Variants in CRMP1 observed in about 807,000 individuals in gnomAD.
The protein encoded by CRMP1 is dihydropyrimidinase-related protein 1.
A neutral mutation model predicts 68.3 loss-of-function variants in CRMP1; 19 were observed. The observed-to-expected ratio is 0.28, with a 90% CI of 0.19 to 0.41. The LOEUF is 0.41. Ranked by LOEUF, CRMP1 falls within the 10% of genes least tolerant of loss-of-function variation. The pLI, the probability that CRMP1 is intolerant of heterozygous loss-of-function variation, is 1.00. For missense variants in CRMP1, 791 were observed against 967.4 expected (o/e 0.82, Z 2.42); for synonymous variants, 439 against 399.6 (o/e 1.10, Z -1.18).
At chr4:5,844,227 G>A (rs1041421283) in intron 6 of CRMP1, among the ~76,000 whole-genome samples, 4 of 152,262 alleles carry the variant, frequency 2.6e-5, no homozygotes, top group South Asian at 4.1e-4. Context: ...TTCAGCTACC[G>A]AAGACACTGT....
Position 5,882,980 on chromosome 4 carries a change from G to A in CRMP1, c.381+9609C>T, listed in dbSNP as rs144761601. ...GGGTGCATTCTCCCTGATTTCCAAA[G>A]CTTTATAGAATCCCCCCATAGCCCC... On this transcript the variant is annotated intron_variant, in intron 1 of 13. Coordinates refer to ENST00000324989, the MANE Select transcript of CRMP1 (RefSeq NM_001014809.3). Among the ~76,000 whole-genome samples, 371 of 152,244 alleles carry A rather than the reference G, an allele frequency of 2.4e-3. 2 individuals carry two copies. The highest frequency in any genetic ancestry group is 8.3e-3 in the African/African-American group (344 of 41,544).
At chr4:5,863,263 T>A (rs898163844) in intron 2 of CRMP1, among the ~76,000 whole-genome samples, 2 of 152,068 alleles carry the variant, frequency 1.3e-5, no homozygotes, top group African/African-American at 2.4e-5. Context: ...TAACAAACTC[T>A]CTCTGGTCTC....
In CRMP1 at chr4:5,860,802, G is replaced by T. The variant is rs1713495123; in HGVS notation, c.655+224C>A. ...ATTTTAAAAATAATTTTTTAAAATT[G>T]GTACCTATAAAACCGTATTGTTTAT... On this transcript the variant is annotated intron_variant, in intron 3 of 13. Coordinates refer to ENST00000324989, the MANE Select transcript of CRMP1 (RefSeq NM_001014809.3). This position sits in a 1 kb window ranked among gnomAD's most constrained non-coding sequence, Gnocchi z 4.2. Among the ~76,000 whole-genome samples, 1 of 152,000 alleles carries T rather than the reference G, an allele frequency of 6.6e-6. No homozygotes were observed. The highest frequency in any genetic ancestry group is 6.6e-5 in the Admixed American group (1 of 15,248).
intron 11 of CRMP1, among the ~76,000 whole-genome samples, chr4:5,833,469 G>T (rs1315360242): frequency 6.6e-6 from 1 of 151,798 alleles, no homozygotes; most frequent in Non-Finnish European, 1.5e-5. Context: ...CCCGGCCCCA[G>T]AACTTTTAAG....
In CRMP1 at chr4:5,841,178, G is replaced by C. The variant is rs1711693092; in HGVS notation, c.1153+130C>G. On this transcript the variant is annotated intron_variant, in intron 8 of 13. Transcript: ENST00000324989. This position sits in a 1 kb window ranked among gnomAD's most constrained non-coding sequence, Gnocchi z 6.9. ...AATTCCAGCCACCATCCTTGTGTCA[G>C]GAGCATCCCCGCTCCACCCCTCCCT... 7.1e-7 allele frequency: 1 copy of C among 1,401,146 alleles called. No individual in the cohort carries two copies. 86.8% of individuals were successfully genotyped at this position (1,401,146 alleles called of 1,614,324 possible).
chr4:5,822,547 A>G (rs534627797), intron 13 of CRMP1, among the ~76,000 whole-genome samples: 91 of 152,156 alleles, frequency 6.0e-4, no homozygotes, highest in African/African-American at 2.1e-3. Context: ...AAAACCAACC[A>G]TCCATTCTAC....
Position 5,820,853 on chromosome 4 carries a change from G to GTTGT in CRMP1, c.*903_*906dup, listed in dbSNP as rs1718413138. 1 of 152,202 alleles carries GTTGT rather than the reference G, an allele frequency of 6.6e-6. No individual in the cohort carries two copies. Among genetic ancestry groups the GTTGT allele is most frequent in the Admixed American group, 6.5e-5 (1 of 15,290 alleles). 9.4% of individuals were successfully genotyped at this position (152,202 alleles called of 1,614,324 possible). ...CAGAAATAAGAGCCACAACAAGTTG[G>GTTGT]TTGTTAAGTAAAAATGGGAGTGATT... On this transcript the variant is annotated 3_prime_UTR_variant, in exon 14 of 14. Coordinates refer to ENST00000324989, the MANE Select transcript of CRMP1 (RefSeq NM_001014809.3).
rs922591 is a variant in CRMP1, at chr4:5,828,114, C to T, written c.1803+375G>A. ...GAGGGTTTCTGAGCCGTGACTCTGGCTAAGCCCTTCACTGCTCTGGGCTGC... is the reference window on the plus strand; with the variant it reads ...GAGGGTTTCTGAGCCGTGACTCTGGTTAAGCCCTTCACTGCTCTGGGCTGC... On this transcript the variant is annotated intron_variant, in intron 12 of 13. Transcript: ENST00000324989. 3.5e-3 allele frequency: 3,428 copies of T among 985,412 alleles called. 96 individuals carry two copies. The African/African-American group carries it at 0.055, about 16-fold the overall frequency. 61.0% of individuals were successfully genotyped at this position (985,412 alleles called of 1,614,324 possible).
At chr4:5,868,491 C>T (rs1187059516) in intron 1 of CRMP1, among the ~76,000 whole-genome samples, 4 of 151,460 alleles carry the variant, frequency 2.6e-5, no homozygotes, top group African/African-American at 4.9e-5. Context: ...TTAGTAGAGA[C>T]GGGGTTTCAC....
At chr4:5,887,520 G>T (rs370934862) in intron 1 of CRMP1, 2 of 984,858 alleles carry the variant, frequency 2.0e-6, no homozygotes, top group Non-Finnish European at 2.4e-6. Flanking sequence ...GCGTAAAGAC[G>T]GGGATTCCTT....
Position 5,891,909 on chromosome 4 carries a change from C to G in CRMP1, c.381+680G>C, listed in dbSNP as rs1478005696. ...GTTCAAATCCCAGCTCTACCTCCAC[C>G]TTGCTCTGTGAAGCAGGCACATCGG... On this transcript the variant is annotated intron_variant, in intron 1 of 13. Transcript: ENST00000324989. This position sits in a 1 kb window ranked among gnomAD's most constrained non-coding sequence, Gnocchi z 5.2. 3.9e-5 allele frequency among the ~76,000 whole-genome samples: 6 copies of G among 152,218 alleles called. No individual in the cohort carries two copies. Among genetic ancestry groups the G allele is most frequent in the African/African-American group, 1.4e-4 (6 of 41,444 alleles).
At chr4:5,835,515 G>A (rs964645838) in intron 11 of CRMP1, among the ~76,000 whole-genome samples, 2 of 152,232 alleles carry the variant, frequency 1.3e-5, no homozygotes, top group East Asian at 1.9e-4. Flanking sequence ...CCACAAAACC[G>A]AGTGGGAGGT....
intron 1 of CRMP1, among the ~76,000 whole-genome samples, chr4:5,874,811 T>C (rs1228554436): frequency 2.0e-5 from 3 of 152,114 alleles, no homozygotes; most frequent in African/African-American, 7.2e-5. Flanking sequence ...CATGGACACA[T>C]AATAAATCTC....
chr4:5,824,572 T>G, intron 13 of CRMP1: 1 of 974,712 alleles, frequency 1.0e-6, no homozygotes, highest in Non-Finnish European at 1.2e-6. Flanking sequence ...ACGGGTCCAT[T>G]GACCAAATCC....
intron 6 of CRMP1, among the ~76,000 whole-genome samples, chr4:5,844,284 C>G (rs778055593): frequency 2.8e-5 from 4 of 144,390 alleles, no homozygotes; most frequent in Non-Finnish European, 3.0e-5. Flanking sequence ...TTTAGAATAC[C>G]GAGAAATCCC....
At chr4:5,882,035 A>G (rs754317401) in intron 1 of CRMP1, among the ~76,000 whole-genome samples, 1 of 152,140 alleles carries the variant, frequency 6.6e-6, no homozygotes, top group Non-Finnish European at 1.5e-5. Flanking sequence ...TCCAAACCCA[A>G]TCGCTGTGCT....
At position 5,832,768 on chromosome 4, in the gene CRMP1, C is replaced by T. The variant is rs114065802; in HGVS notation, c.1623+3147G>A. Among the ~76,000 whole-genome samples, 370 of 152,296 alleles carry T rather than the reference C, an allele frequency of 2.4e-3. 1 individual carries two copies. The highest frequency in any genetic ancestry group is 0.01 in the Middle Eastern group (3 of 294). ...GTTTACCCTGAAGACAGTTACCTCC[C>T]AGATGGGTAACCTTGGGTATATTAC... On this transcript the variant is annotated intron_variant, in intron 11 of 13. Transcript: ENST00000324989.
chr4:5,828,093 G>A lies in CRMP1; in HGVS notation c.1803+396C>T, dbSNP rs1178955236. ...TTGCTCCACAGGGCCAGACCCGAGG[G>A]TTTCTGAGCCGTGACTCTGGCTAAG... On this transcript the variant is annotated intron_variant, in intron 12 of 13. Transcript: ENST00000324989. The A allele has an allele frequency of 4.1e-6, 4 of 985,310 alleles. No homozygotes were observed. In the African/African-American group the frequency reaches 7.0e-5, roughly 17 times the overall value. The allele number at this position is 985,310 out of a possible 1,614,324, so 61.0% of individuals were successfully genotyped here. A position where few individuals can be genotyped will look rare whatever the true frequency, so the allele number is the denominator to read the frequency against.
chr4:5,846,757 ATTTTTTTTTTTTTT>A lies in CRMP1; in HGVS notation c.963+2621_963+2634del, dbSNP rs71171490. Among the ~76,000 whole-genome samples the A allele has an allele frequency of 2.2e-3, 117 of 53,750 alleles. 3 individuals are homozygous for A. The highest frequency in any genetic ancestry group is 0.011 in the African/African-American group (102 of 9,188). The allele number at this position is 53,750 out of a possible 152,430, so 35.3% of individuals were successfully genotyped here. A position where few individuals can be genotyped will look rare whatever the true frequency, so the allele number is the denominator to read the frequency against. On this transcript the variant is annotated intron_variant, in intron 6 of 13. Transcript: ENST00000324989. ...AGGCACCCGCCACCATGCCCGGCTA[ATTTTTTTTTTTTTT>A]TTTTTTTTTTTTTTTTTTTTTTTAG... is the stretch of plus-strand genomic sequence containing the variant.
Sources: gnomAD v4.1 joint callset for allele counts (sites outside exome capture counted in the v4.1 genomes callset) on GRCh38, gnomAD v4.1.1 for gene constraint, Gnocchi (gnomAD v3.1) non-coding constraint, MANE v1.5 for transcripts, NCBI Gene and HGNC (gene_info 2026-07-23, HGNC 2026-07-21) for gene names.